The following NEB variants were observed in gnomAD, a reference collection of about 807,000 sequenced individuals.
NEB encodes nebulin.
A neutral mutation model predicts 952.2 loss-of-function variants in NEB; 512 were observed. That is an observed-to-expected ratio of 0.54 (90% CI 0.50 to 0.58). The LOEUF (loss-of-function observed/expected upper bound fraction) is 0.58, where lower values mean the gene tolerates loss of function less well. Among genes scored for constraint, NEB ranks in the 20% least tolerant of loss-of-function variants. The probability of loss-of-function intolerance (pLI) is 0.00; values close to 1 mark genes in which losing one functional copy is unlikely to be tolerated. For synonymous variants in NEB, 2,900 were observed against 3,149.8 expected (o/e 0.92, Z 2.66); for missense variants, 8,428 against 9,231.1 (o/e 0.91, Z 3.56).
Position 151,642,750 on chromosome 2 carries a change from G to A in NEB, c.8265+15C>T. 1 of 1,603,444 alleles carries A rather than the reference G, an allele frequency of 6.2e-7. No individual in the cohort carries two copies. The highest frequency in any genetic ancestry group is 8.5e-7 in the Non-Finnish European group (1 of 1,171,640). ...GTAAGGAAAATGTATCACGCACTAT[G>A]AATATATTACTTACCTCACTGTAAT... On this transcript the variant is annotated intron_variant, in intron 59 of 181. Transcript: ENST00000397345.
At chr2:151,639,732 T>C (rs1426900159) in intron 62 of NEB, 125 bp downstream of exon 62, 2 of 766,682 alleles carry the variant, frequency 2.6e-6, no homozygotes, top group African/African-American at 3.5e-5. Context: ...GAGAAGCCAA[T>C]AGATACATAG....
At chr2:151,655,398 T>G (rs773728774) in intron 50 of NEB, 24 bp from the exon 51 acceptor site, 1 of 1,353,986 alleles carries the variant, frequency 7.4e-7, no homozygotes, top group South Asian at 1.3e-5. Flanking sequence ...AAAAAAGACA[T>G]GAAATTTGAA....
Position 151,709,642 on chromosome 2 carries a change from TG to T in NEB, c.1035+13del, listed in dbSNP as rs1451859902. 6.4e-7 allele frequency: 1 copy of T among 1,558,856 alleles called. No homozygotes were observed. Among genetic ancestry groups the T allele is most frequent in the Non-Finnish European group, 8.7e-7 (1 of 1,143,576 alleles). ...ACTCAAACCATCAAGATAAATGGGA[TG>T]ATTTCCTCATACCTTGCTAGCTGCC... is the stretch of plus-strand genomic sequence containing the variant. On this transcript the variant is annotated intron_variant, in intron 12 of 181. Transcript: ENST00000397345.
chr2:151,684,875 C>A lies in NEB; in HGVS notation c.2738G>T (p.Ser913Ile), dbSNP rs1293779863. The A allele has an allele frequency of 6.2e-7, 1 of 1,613,294 alleles. No homozygotes were observed. Among genetic ancestry groups the A allele is most frequent in the Non-Finnish European group, 8.5e-7 (1 of 1,179,508 alleles). The change falls in exon 28 of 182, where the codon AGC becomes ATC. Residue 913 changes from serine to isoleucine, a missense_variant. Physicochemically the swap from Ser to Ile is moderately radical, Grantham distance 142 (BLOSUM62 -2). Coordinates refer to ENST00000397345, the MANE Select transcript of NEB (RefSeq NM_001164508.2). ...TAAGATGTGCTTATAATCAACGTCG[C>A]TGGCAATTGCCTGAGATTTCTTAGC... ...TQAKKSQAIA[S>I]DVDYKHILHS...
intron 24 of NEB, chr2:151,689,197 C>CTTTTT (rs11305294): frequency 1.0e-4 from 6 of 57,892 alleles, no homozygotes; most frequent in African/African-American, 2.5e-4. Flanking sequence ...GATATATACT[C>CTTTTT]TTTTTTTTTT....
At chr2:151,700,700 T>C (rs2099642882) in intron 13 of NEB, among the ~76,000 whole-genome samples, 1 of 110,784 alleles carries the variant, frequency 9.0e-6, no homozygotes, top group African/African-American at 3.4e-5. Flanking sequence ...CTTGTGATTT[T>C]TGTACATTGA....
chr2:151,557,876 G>C (rs2095769417), intron 124 of NEB, among the ~76,000 whole-genome samples: 1 of 152,022 alleles, frequency 6.6e-6, no homozygotes, highest in Admixed American at 6.6e-5. Context: ...TCTCAAAATA[G>C]TAAGAGCTAT....
Position 151,642,521 on chromosome 2 carries a change from G to C in NEB, c.8373+53C>G. ...TGTGCCACTATAAATCCAGGAGAGA[G>C]AAATAAATCTTTGAGCCAAAGCTAA... On this transcript the variant is annotated intron_variant, in intron 60 of 181. Transcript: ENST00000397345. 5.5e-6 allele frequency: 8 copies of C among 1,458,118 alleles called. No individual in the cohort carries two copies. The South Asian group carries it at 7.3e-5, about 13-fold the overall frequency. The allele number at this position is 1,458,118 out of a possible 1,614,324, so 90.3% of individuals were successfully genotyped here.
At chr2:151,694,276 C>G in intron 20 of NEB, 47 bp downstream of exon 20, 1 of 1,516,886 alleles carries the variant, frequency 6.6e-7, no homozygotes, top group African/African-American at 1.4e-5. Flanking sequence ...TAAACAGCAA[C>G]TTTGTGGCCA....
chr2:151,567,146 T>G, intron 114 of NEB, 22 bp downstream of exon 114: 3 of 1,552,464 alleles, frequency 1.9e-6, no homozygotes, highest in Non-Finnish European at 2.6e-6. Context: ...TTCTAGATAA[T>G]GAAGAAACAA....
At chr2:151,492,564 T>A in intron 176 of NEB, 70 bp from the exon 177 acceptor site, 1 of 1,142,742 alleles carries the variant, frequency 8.8e-7, no homozygotes, top group Non-Finnish European at 1.3e-6. Flanking sequence ...TTCCAGCAGA[T>A]AGAGATGGAT....
At chr2:151,554,258 T>C (rs1370719546) in intron 125 of NEB, among the ~76,000 whole-genome samples, 4 of 152,138 alleles carry the variant, frequency 2.6e-5, no homozygotes, top group Non-Finnish European at 1.5e-5. Context: ...GTCATATGCA[T>C]TGGTAAATAG....
chr2:151,644,591 G>T lies in NEB; in HGVS notation c.7537-16C>A. 1 of 1,589,554 alleles carries T rather than the reference G, an allele frequency of 6.3e-7. No homozygotes were observed. The highest frequency in any genetic ancestry group is 8.6e-7 in the Non-Finnish European group (1 of 1,157,766). On this transcript the variant is annotated splice_polypyrimidine_tract_variant and intron_variant, in intron 55 of 181. Transcript: ENST00000397345. ...GGTAGAGTTTCTGTTAAGAAATGAA[G>T]ATCATTTTGGGAAATACTGTTCCCC... is the stretch of plus-strand genomic sequence containing the variant.
intron 6 of NEB, 62 bp downstream of exon 6, chr2:151,725,391 A>T: frequency 7.4e-7 from 1 of 1,351,498 alleles, no homozygotes; most frequent in Non-Finnish European, 1.0e-6. Flanking sequence ...TAGAGCCCAC[A>T]ATTCCCAGCA....
intron 64 of NEB, among the ~76,000 whole-genome samples, chr2:151,634,635 A>G (rs2098722615): frequency 6.6e-6 from 1 of 152,116 alleles, no homozygotes; most frequent in South Asian, 2.1e-4. Flanking sequence ...GCAAGACTCC[A>G]TCTCAAAAAA....
intron 7 of NEB, 93 bp from the exon 8 acceptor site, chr2:151,724,457 G>GCAA (rs1266396750): frequency 2.4e-5 from 23 of 943,698 alleles, no homozygotes; most frequent in African/African-American, 2.3e-4. Flanking sequence ...AGGCATGCTT[G>GCAA]CTCAGAGGTT....
At chr2:151,632,679 A>C (rs2098693403) in intron 65 of NEB, among the ~76,000 whole-genome samples, 1 of 147,826 alleles carries the variant, frequency 6.8e-6, no homozygotes, top group South Asian at 2.1e-4. Context: ...CTGTCTCAGA[A>C]AAAAAAAAAA....
chr2:151,513,288 A>G (rs893342500), intron 160 of NEB, among the ~76,000 whole-genome samples: 1 of 152,236 alleles, frequency 6.6e-6, no homozygotes, highest in Non-Finnish European at 1.5e-5. Flanking sequence ...TGACTCAGAA[A>G]TAAGGCCAAG....
chr2:151,636,402 A>G (rs2098763890), intron 63 of NEB, 68 bp from the exon 64 acceptor site: 1 of 1,217,876 alleles, frequency 8.2e-7, no homozygotes, highest in Non-Finnish European at 1.2e-6. Context: ...GACTAAGACA[A>G]TTCACTAAGT....
Sources: allele counts gnomAD v4.1 joint callset (sites outside exome capture counted in the v4.1 genomes callset), GRCh38; gene constraint gnomAD v4.1.1; transcripts MANE v1.5; gene names NCBI Gene and HGNC (gene_info 2026-07-23, HGNC 2026-07-21).